ASXL1: variants seen among roughly 807,000 people sequenced by gnomAD.
ASXL1 encodes ASXL transcriptional regulator 1, also known as polycomb group protein ASXL1.
ASXL1 carries 65 observed loss-of-function variants against 89.1 expected under a neutral mutation model. The ratio of observed to expected loss-of-function variants is 0.73; its 90% CI spans 0.60 to 0.90. ASXL1 has a LOEUF of 0.90. Among genes scored for constraint, ASXL1 ranks in the 40% least tolerant of loss-of-function variants. The probability of loss-of-function intolerance (pLI) is 0.00; values close to 1 mark genes in which losing one functional copy is unlikely to be tolerated. For missense variants in ASXL1, 1,786 were observed against 1,942.9 expected, an observed-to-expected ratio of 0.92 and a Z score of 1.52; for synonymous variants, 739 against 746.9, an observed-to-expected ratio of 0.99 and a Z score of 0.17.
intron 6 of ASXL1, chr20:32,428,795 G>A: frequency 3.4e-6 from 1 of 294,110 alleles, no homozygotes; most frequent in Non-Finnish European, 6.6e-6. Flanking sequence ...CGAGTAGCTG[G>A]GATTACAGGC....
chr20:32,366,920 AT>A (rs1242237028), intron 2 of ASXL1, among the ~76,000 whole-genome samples: 1 of 152,186 alleles, frequency 6.6e-6, no homozygotes, highest in Non-Finnish European at 1.5e-5. Context: ...TTGCAGTCAT[AT>A]ATGATGTGAA....
intron 4 of ASXL1, among the ~76,000 whole-genome samples, chr20:32,411,296 C>T (rs1458788436): frequency 8.1e-5 from 10 of 123,918 alleles, no homozygotes; most frequent in Non-Finnish European, 1.3e-4. Flanking sequence ...GGCACAATCT[C>T]GGCTCACTGC....
At chr20:32,428,071 C>A in intron 4 of ASXL1, 57 bp from the exon 5 acceptor site, 3 of 1,609,630 alleles carry the variant, frequency 1.9e-6, no homozygotes, top group Non-Finnish European at 2.5e-6. Flanking sequence ...GGAATGACTG[C>A]CTTGCTTTAA....
chr20:32,374,554 C>T (rs1600484488), intron 4 of ASXL1, among the ~76,000 whole-genome samples: 1 of 152,166 alleles, frequency 6.6e-6, no homozygotes, highest in African/African-American at 2.4e-5. Flanking sequence ...TTCAGCCTCC[C>T]GAAGTGCTGG....
rs1473061817 is a variant in ASXL1, at chr20:32,433,635, C to T, written c.1437C>T (p.Pro479=). 14 of 1,612,664 alleles carry T rather than the reference C, an allele frequency of 8.7e-6. No homozygotes were observed. The East Asian group carries it at 8.9e-5, about 10-fold the overall frequency. The change falls in exon 12 of 13, where the codon CCC becomes CCT. Residue 479 remains proline, a synonymous_variant. Transcript: ENST00000375687. ...CTGCAGCACCCGACCTGGAGGGTCC[C>T]GAATTCCCAGTTGAGTCTGTGGCTT... ...TSSAAPDLEG[P]EFPVESVASR...
chr20:32,362,529 G>A (rs185885597), intron 1 of ASXL1, among the ~76,000 whole-genome samples: 2 of 152,164 alleles, frequency 1.3e-5, no homozygotes, highest in Non-Finnish European at 2.9e-5. Flanking sequence ...CCAGCTACTC[G>A]GGAGGCTGAG....
chr20:32,409,034 C>T (rs956126981), intron 4 of ASXL1, among the ~76,000 whole-genome samples: 4 of 151,866 alleles, frequency 2.6e-5, no homozygotes, highest in East Asian at 1.9e-4. Context: ...AGTGCAGTGG[C>T]GGAATCTTGG....
intron 4 of ASXL1, among the ~76,000 whole-genome samples, chr20:32,396,789 T>C (rs1156816882): frequency 6.6e-6 from 1 of 152,148 alleles, no homozygotes; most frequent in Non-Finnish European, 1.5e-5. Flanking sequence ...CAAACTCTCA[T>C]TCTCTCTCAG....
rs772983046 is a variant in ASXL1 at position 32,436,375 on chromosome 20, A to C, written c.3663A>C (p.Thr1221=). The stretch of plus-strand genomic sequence containing the variant: ...TCCATCCAGTGACAAATCCCATTAC[A>C]TCCTCTAGGAAACTGGAAGAAATGG... ...DSLHPVTNPI[T]SSRKLEEMDS... is the part of the protein sequence containing the mutation. Residue 1221 remains threonine, a synonymous_variant, in exon 13 of 13, where the codon ACA becomes ACC. Coordinates refer to ENST00000375687, the MANE Select transcript of ASXL1 (RefSeq NM_015338.6). 11 of 1,613,708 alleles carry C rather than the reference A, an allele frequency of 6.8e-6. No individual in the cohort carries two copies. Among genetic ancestry groups the C allele is most frequent in the Admixed American group, 1.7e-5 (1 of 60,022 alleles).
chr20:32,409,228 C>T (rs1394835734), intron 4 of ASXL1, among the ~76,000 whole-genome samples: 1 of 152,174 alleles, frequency 6.6e-6, no homozygotes, highest in Non-Finnish European at 1.5e-5. Flanking sequence ...CTGCCTTGGC[C>T]TTCCAAAGTG....
In ASXL1 at chr20:32,437,071, C is replaced by G. The variant is rs1363144805; in HGVS notation, c.4359C>G (p.Ser1453Arg). The G allele has an allele frequency of 6.2e-7, 1 of 1,614,214 alleles. No homozygotes were observed. The highest frequency in any genetic ancestry group is 8.5e-7 in the Non-Finnish European group (1 of 1,180,048). The change falls in exon 13 of 13, where the codon AGC becomes AGG. Residue 1453 changes from serine (S) to arginine (R), a missense_variant. Transcript: ENST00000375687. ...KLSKLQLSST[S>R]FNYSSSSPTF... ...CTAAACTCCAACTGAGTTCCACCAG[C>G]TTTAATTATTCCTCTAGCTCTCCCA...
At chr20:32,378,856 G>T (rs145383676) in intron 4 of ASXL1, among the ~76,000 whole-genome samples, 7 of 151,990 alleles carry the variant, frequency 4.6e-5, no homozygotes, top group African/African-American at 1.4e-4. Flanking sequence ...GGCCAGGCTC[G>T]GTGGCTCATG....
rs763556409 is a variant in ASXL1 at position 32,435,128 on chromosome 20, A to C, written c.2416A>C (p.Thr806Pro). 1.2e-6 allele frequency: 2 copies of C among 1,613,788 alleles called. No homozygotes were observed. The highest frequency in any genetic ancestry group is 1.3e-5 in the African/African-American group (1 of 74,916). The change falls in exon 13 of 13, where the codon ACC becomes CCC. Residue 806 changes from threonine to proline, a missense_variant. By Grantham distance (38) the Thr-to-Pro change is conservative. Around this residue, in one of 3 missense-constraint regions of ASXL1, gnomAD observed 1,418 missense variants for 1,427.8 expected, o/e 0.99. Coordinates refer to ENST00000375687, the MANE Select transcript of ASXL1 (RefSeq NM_015338.6). ...AAGTGATGATGAGGAGCAAGGACCC[A>C]CCGTTCCTGCAGACAATGGTCCCAT... The part of the protein sequence containing the change: ...WESDDEEQGP[T>P]VPADNGPIPS...
rs184549475 is a variant in ASXL1, at chr20:32,379,340, A to G, written c.252+10217A>G. 4.9e-3 allele frequency among the ~76,000 whole-genome samples: 659 copies of G among 133,568 alleles called. 3 individuals are homozygous for G. Among genetic ancestry groups the G allele is most frequent in the Non-Finnish European group, 7.2e-3 (439 of 60,964 alleles). The allele number at this position is 133,568 out of a possible 152,430, so 87.6% of individuals were successfully genotyped here. A position where few individuals can be genotyped will look rare whatever the true frequency, so the allele number is the denominator to read the frequency against. ...GCTGGGATTACAGGTGCAGACCACC[A>G]CGCCCAACTAATTTATTTATTTATT... On this transcript the variant is annotated intron_variant, in intron 4 of 12. Transcript: ENST00000375687.
At chr20:32,359,510 C>G in intron 1 of ASXL1, 1 of 645,712 alleles carries the variant, frequency 1.5e-6, no homozygotes, top group Non-Finnish European at 2.8e-6. Context: ...TGCGCTTTCA[C>G]CAGCTTCCCA....
chr20:32,372,922 A>G (rs1255572778), intron 4 of ASXL1, among the ~76,000 whole-genome samples: 2 of 147,836 alleles, frequency 1.4e-5, no homozygotes, highest in Non-Finnish European at 3.0e-5. Context: ...TTGATGATAA[A>G]TACTGTTTAT....
At chr20:32,358,885 G>A in intron 1 of ASXL1, 53 bp downstream of exon 1, 7 of 1,432,384 alleles carry the variant, frequency 4.9e-6, no homozygotes, top group Non-Finnish European at 6.4e-6. Context: ...GGGGGGGCTC[G>A]CCGCGCACCC....
At chr20:32,391,319 G>T (rs1336994536) in intron 4 of ASXL1, among the ~76,000 whole-genome samples, 3 of 152,186 alleles carry the variant, frequency 2.0e-5, no homozygotes, top group Non-Finnish European at 2.9e-5. Context: ...TAATGCTGCT[G>T]TGAATAAATA....
chr20:32,411,215 C>CTTTTTTTTTTTT lies in ASXL1; in HGVS notation c.253-16898_253-16887dup, dbSNP rs71187118. Among the ~76,000 whole-genome samples the CTTTTTTTTTTTT allele has an allele frequency of 3.7e-5, 2 of 53,394 alleles. 1 individual carries two copies. The highest frequency in any genetic ancestry group is 6.4e-5 in the Non-Finnish European group (2 of 31,322). The allele number at this position is 53,394 out of a possible 152,430, so 35.0% of individuals were successfully genotyped here. On this transcript the variant is annotated intron_variant, in intron 4 of 12. Coordinates refer to ENST00000375687, the MANE Select transcript of ASXL1 (RefSeq NM_015338.6). ...TTTATTCGTTGTGAATTTATGGATT[C>CTTTTTTTTTTTT]TTTTTTTTTTTTTTTTTTTTTTTTT...
Sources: gnomAD v4.1 joint callset for allele counts (sites outside exome capture counted in the v4.1 genomes callset) on GRCh38, gnomAD v4.1.1 for gene constraint, gnomAD v4.1.1 regional missense constraint, MANE v1.5 for transcripts, NCBI Gene and HGNC (gene_info 2026-07-23, HGNC 2026-07-21) for gene names.